Variants in ASAP2 observed in about 807,000 individuals in gnomAD.
ASAP2 encodes the protein arf-GAP with SH3 domain, ANK repeat and PH domain-containing protein 2.
In ASAP2, 45 loss-of-function variants were observed where a neutral mutation model predicts 131.4. The observed-to-expected ratio is 0.34, with a 90% CI of 0.27 to 0.44. The LOEUF is 0.44. ASAP2 is among the 20% of genes least tolerant of loss of function. The pLI is 1.00. For missense variants in ASAP2, 1,011 were observed against 1,297.0 expected, an observed-to-expected ratio of 0.78 and a Z score of 3.39; for synonymous variants, 510 against 503.0, an observed-to-expected ratio of 1.01 and a Z score of -0.19.
chr2:9,236,999 G>A (rs1027237191), intron 1 of ASAP2, among the ~76,000 whole-genome samples: 2 of 152,188 alleles, frequency 1.3e-5, no homozygotes, highest in African/African-American at 4.8e-5. Flanking sequence ...GCAGGGGCTA[G>A]TGAAGGCAGG....
In ASAP2 at chr2:9,334,758, A is replaced by G. The variant is rs1671087381; in HGVS notation, c.707A>G (p.Lys236Arg). The G allele has an allele frequency of 1.2e-6, 2 of 1,613,996 alleles. No homozygotes were observed. The highest frequency in any genetic ancestry group is 4.5e-5 in the East Asian group (2 of 44,892). ...GCTAGTTTTTTTCAGGATGGACTCA[A>G]AGCCGTGGAAAGCCTCAAACCTTCC... ...AQCNFFQDGLKAVESLKPSIE... is the reference protein window; with the variant it reads ...AQCNFFQDGLRAVESLKPSIE... Residue 236 changes from lysine to arginine, a missense_variant, in exon 8 of 28, where the codon AAA becomes AGA. Coordinates refer to ENST00000281419, the MANE Select transcript of ASAP2 (RefSeq NM_003887.3).
intron 1 of ASAP2, among the ~76,000 whole-genome samples, chr2:9,219,525 A>G (rs1050483563): frequency 2.6e-5 from 4 of 152,238 alleles, no homozygotes; most frequent in Admixed American, 6.5e-5. Context: ...CCTGGAATAA[A>G]TTACAGGAAC....
At chr2:9,373,790 C>T (rs996746413) in intron 16 of ASAP2, among the ~76,000 whole-genome samples, 19 of 152,168 alleles carry the variant, frequency 1.2e-4, no homozygotes, top group African/African-American at 4.3e-4. Flanking sequence ...CTGGCTCTTG[C>T]CTGATTCTCA....
intron 20 of ASAP2, among the ~76,000 whole-genome samples, chr2:9,382,006 T>C (rs1362943868): frequency 1.4e-5 from 2 of 138,510 alleles, no homozygotes; most frequent in Non-Finnish European, 3.0e-5. Context: ...TTTTTTGAGA[T>C]GGAGTCTTAC....
intron 3 of ASAP2, among the ~76,000 whole-genome samples, chr2:9,306,174 G>T (rs375988003): frequency 6.6e-6 from 1 of 150,580 alleles, no homozygotes; most frequent in Admixed American, 6.6e-5. Context: ...GGCTCTAGGG[G>T]TGTAGAGAGG....
chr2:9,313,911 C>T (rs1410112866), intron 3 of ASAP2, among the ~76,000 whole-genome samples: 1 of 152,186 alleles, frequency 6.6e-6, no homozygotes, highest in Non-Finnish European at 1.5e-5. Flanking sequence ...TAGAATTTTA[C>T]ATTCTTGGTG....
rs774456784 is a variant in ASAP2, at chr2:9,344,640, G to T, written c.953+5G>T. The T allele has an allele frequency of 1.2e-6, 2 of 1,613,780 alleles. No homozygotes were observed. Among genetic ancestry groups the T allele is most frequent in the South Asian group, 1.1e-5 (1 of 91,074 alleles). On this transcript the variant is annotated splice_donor_5th_base_variant and intron_variant, in intron 10 of 27. Transcript: ENST00000281419. Reference sequence around the variant, plus strand: ...CCTCTACAAGAAGAGTGACGGGTACGTGAGGGGGTGTGGCTAGAGTTTAAA... The same window carrying T: ...CCTCTACAAGAAGAGTGACGGGTACTTGAGGGGGTGTGGCTAGAGTTTAAA...
chr2:9,326,462 C>T (rs567788077), intron 6 of ASAP2, among the ~76,000 whole-genome samples: 8 of 128,136 alleles, frequency 6.2e-5, no homozygotes, highest in East Asian at 2.0e-4. Context: ...CTTCTGTGAG[C>T]GGAGAAGGCG....
At position 9,388,275 on chromosome 2, in the gene ASAP2, C is replaced by T; in HGVS notation, c.2131-19C>T. 6.2e-7 allele frequency: 1 copy of T among 1,612,824 alleles called. No individual in the cohort carries two copies. The highest frequency in any genetic ancestry group is 8.5e-7 in the Non-Finnish European group (1 of 1,179,848). ...TTCATATTTGTCTCACACGCCTCTG[C>T]CCCAATGTTCTCCTGCAGCCCAGTC... On this transcript the variant is annotated intron_variant, in intron 21 of 27. Transcript: ENST00000281419.
At chr2:9,319,933 C>T (rs1572443671) in intron 4 of ASAP2, among the ~76,000 whole-genome samples, 1 of 152,152 alleles carries the variant, frequency 6.6e-6, no homozygotes, top group East Asian at 1.9e-4. Flanking sequence ...GAGAGACATC[C>T]TGAAGTATTT....
chr2:9,324,831 A>T (rs1348037901), intron 6 of ASAP2, among the ~76,000 whole-genome samples: 1 of 152,240 alleles, frequency 6.6e-6, no homozygotes, highest in Non-Finnish European at 1.5e-5. Context: ...TCACTTATAG[A>T]TAATATATAT....
chr2:9,306,699 G>T (rs1668966814), intron 3 of ASAP2, among the ~76,000 whole-genome samples: 2 of 152,066 alleles, frequency 1.3e-5, no homozygotes, highest in Admixed American at 1.3e-4. Context: ...TGAGGGAATT[G>T]TCAGCGAATT....
At chr2:9,264,279 G>A (rs929324461) in intron 1 of ASAP2, among the ~76,000 whole-genome samples, 7 of 151,858 alleles carry the variant, frequency 4.6e-5, no homozygotes, top group African/African-American at 1.7e-4. Flanking sequence ...AAGGAGGGAG[G>A]TATATTTTAG....
rs369291652 is a variant in ASAP2 at position 9,401,366 on chromosome 2, C to T, written c.2916C>T (p.Ile972=). ...CCTTCTCCGAGGGGGATGTGATCATCGTGGACGGGGAGGAGGACCAGGAGT... is the reference window on the plus strand; with the variant it reads ...CCTTCTCCGAGGGGGATGTGATCATTGTGGACGGGGAGGAGGACCAGGAGT... ...ELTFSEGDVI[I]VDGEEDQEWW... The change falls in exon 27 of 28, where the codon ATC becomes ATT. Residue 972 remains isoleucine (I), a synonymous_variant. Coordinates refer to ENST00000281419, the MANE Select transcript of ASAP2 (RefSeq NM_003887.3). 50 of 1,613,458 alleles carry T rather than the reference C, an allele frequency of 3.1e-5. No individual in the cohort carries two copies. The highest frequency in any genetic ancestry group is 4.5e-5 in the East Asian group (2 of 44,878).
At chr2:9,370,274 A>G (rs1673844789) in intron 16 of ASAP2, among the ~76,000 whole-genome samples, 1 of 152,226 alleles carries the variant, frequency 6.6e-6, no homozygotes. Context: ...AACAGGGACC[A>G]TGTGCATTAC....
At position 9,376,898 on chromosome 2, in the gene ASAP2, G is replaced by T. The variant is rs1674445227; in HGVS notation, c.1747-10G>T. 2 of 1,613,670 alleles carry T rather than the reference G, an allele frequency of 1.2e-6. No individual in the cohort carries two copies. The highest frequency in any genetic ancestry group is 1.7e-6 in the Non-Finnish European group (2 of 1,179,630). On this transcript the variant is annotated splice_polypyrimidine_tract_variant and intron_variant, in intron 17 of 27. Transcript: ENST00000281419. ...TTAGAATTCTGGAATGCCTTTGTTTGGTTTTTCAGGAGCCGGATGAAACGG... is the reference window on the plus strand; with the variant it reads ...TTAGAATTCTGGAATGCCTTTGTTTTGTTTTTCAGGAGCCGGATGAAACGG...
intron 3 of ASAP2, among the ~76,000 whole-genome samples, chr2:9,297,889 G>C (rs1030865683): frequency 1.3e-5 from 2 of 151,442 alleles, no homozygotes; most frequent in Non-Finnish European, 3.0e-5. Context: ...AAGGCCTTTT[G>C]TGCTCCCAAG....
intron 1 of ASAP2, among the ~76,000 whole-genome samples, chr2:9,276,846 T>A (rs1666791012): frequency 6.6e-6 from 1 of 152,170 alleles, no homozygotes; most frequent in South Asian, 2.1e-4. Flanking sequence ...GGTCTCTTTC[T>A]TCTTTATTCG....
Position 9,281,868 on chromosome 2 carries a change from G to C in ASAP2, c.199+2479G>C, listed in dbSNP as rs1355340551. Among the ~76,000 whole-genome samples the C allele has an allele frequency of 6.6e-6, 1 of 152,180 alleles. No homozygotes were observed. The highest frequency in any genetic ancestry group is 2.4e-5 in the African/African-American group (1 of 41,440). On this transcript the variant is annotated intron_variant, in intron 2 of 27. Transcript: ENST00000281419. This position sits in a 1 kb window ranked among gnomAD's most constrained non-coding sequence, Gnocchi z 4.0. Reference sequence around the variant, plus strand: ...GGTGAGTAAATACTGCAGAGCACCAGATGAGTTCCGAGCTCTTGTGCATTG... The same window carrying C: ...GGTGAGTAAATACTGCAGAGCACCACATGAGTTCCGAGCTCTTGTGCATTG...
Sources: allele counts gnomAD v4.1 joint callset (sites outside exome capture counted in the v4.1 genomes callset), GRCh38; gene constraint gnomAD v4.1.1; non-coding constraint Gnocchi (gnomAD v3.1); transcripts MANE v1.5; gene names NCBI Gene and HGNC (gene_info 2026-07-23, HGNC 2026-07-21).